Variants in TCERG1L observed in about 807,000 individuals in gnomAD.
TCERG1L encodes the protein transcription elongation regulator 1-like protein.
A neutral mutation model predicts 56.3 loss-of-function variants in TCERG1L; 37 were observed. That is an observed-to-expected ratio of 0.66 (90% CI 0.51 to 0.87). The LOEUF (loss-of-function observed/expected upper bound fraction) is 0.87. Among genes scored for constraint, TCERG1L ranks in the 40% least tolerant of loss-of-function variants. The pLI, the probability that TCERG1L is intolerant of heterozygous loss-of-function variation, is 0.00. For missense variants in TCERG1L, 799 were observed against 774.2 expected (o/e 1.03, Z -0.38); for synonymous variants, 324 against 326.3 (o/e 0.99, Z 0.08).
intron 4 of TCERG1L, among the ~76,000 whole-genome samples, chr10:131,185,775 G>A (rs1845234717): frequency 6.6e-6 from 1 of 152,026 alleles, no homozygotes; most frequent in South Asian, 2.1e-4. Flanking sequence ...ATGGCTGAAT[G>A]TAAAATGGTT....
chr10:131,130,644 T>G (rs10829909), intron 8 of TCERG1L, among the ~76,000 whole-genome samples: 22,529 of 152,204 alleles, frequency 0.15, 1,810 homozygotes, highest in South Asian at 0.3. Context: ...TTTCTCATAA[T>G]ACAGAACAAA....
intron 9 of TCERG1L, among the ~76,000 whole-genome samples, chr10:131,105,835 T>A (rs546692195): frequency 6.6e-6 from 1 of 152,360 alleles, no homozygotes; most frequent in East Asian, 1.9e-4. Context: ...TGACTTTGCT[T>A]CTTTTCCTGC....
chr10:131,186,764 C>G (rs1428898125), intron 4 of TCERG1L, among the ~76,000 whole-genome samples: 1 of 152,166 alleles, frequency 6.6e-6, no homozygotes, highest in East Asian at 1.9e-4. Flanking sequence ...GTGCACCGGG[C>G]ACTCCACACC....
chr10:131,277,302 TC>T (rs1286365991), intron 3 of TCERG1L, among the ~76,000 whole-genome samples: 4 of 152,112 alleles, frequency 2.6e-5, no homozygotes, highest in Non-Finnish European at 5.9e-5. Context: ...AGATGTGAGT[TC>T]ATTATGTGAA....
At chr10:131,293,899 T>G (rs556116909) in intron 3 of TCERG1L, among the ~76,000 whole-genome samples, 1 of 152,340 alleles carries the variant, frequency 6.6e-6, no homozygotes, top group Non-Finnish European at 1.5e-5. Flanking sequence ...TTTTGTAGCC[T>G]TTTAACTTCA....
At chr10:131,109,947 C>T (rs4418720) in intron 9 of TCERG1L, among the ~76,000 whole-genome samples, 44,382 of 152,182 alleles carry the variant, frequency 0.29, 6,842 homozygotes, top group South Asian at 0.43. Flanking sequence ...GATGCCTCAT[C>T]AAAATGGACA....
rs975685043 is a variant in TCERG1L, at chr10:131,103,607, C to T, written c.1485+658G>A. Among the ~76,000 whole-genome samples the T allele has an allele frequency of 6.6e-5, 10 of 152,156 alleles. No homozygotes were observed. Among genetic ancestry groups the T allele is most frequent in the Non-Finnish European group, 1.5e-4 (10 of 68,030 alleles). ...TCAGGAGGCTGAGGTGGGAGGATGGCTTGATCCCAGAAGGTGGAGGTTGCA... is the reference window on the plus strand; with the variant it reads ...TCAGGAGGCTGAGGTGGGAGGATGGTTTGATCCCAGAAGGTGGAGGTTGCA... On this transcript the variant is annotated intron_variant, in intron 10 of 11. Transcript: ENST00000368642. This position sits in a 1 kb window ranked among gnomAD's most constrained non-coding sequence, Gnocchi z 4.3.
chr10:131,300,335 AT>A (rs1337226484), intron 3 of TCERG1L, among the ~76,000 whole-genome samples: 1 of 152,084 alleles, frequency 6.6e-6, no homozygotes, highest in Non-Finnish European at 1.5e-5. Flanking sequence ...TCTTCTACGT[AT>A]TCTCTCCTTG....
intron 5 of TCERG1L, among the ~76,000 whole-genome samples, chr10:131,165,446 T>C (rs758245304): frequency 1.3e-5 from 2 of 152,222 alleles, no homozygotes; most frequent in Non-Finnish European, 2.9e-5. Flanking sequence ...AGTTTGTAAG[T>C]TTACGAATAA....
At chr10:131,239,722 T>C (rs576990999) in intron 4 of TCERG1L, among the ~76,000 whole-genome samples, 3 of 152,350 alleles carry the variant, frequency 2.0e-5, no homozygotes, top group South Asian at 2.1e-4. Context: ...TCCGGTGGTA[T>C]GGAAATCTCG....
In TCERG1L at chr10:131,250,821, C is replaced by T. The variant is rs1367895925; in HGVS notation, c.856+9438G>A. On this transcript the variant is annotated intron_variant, in intron 4 of 11. Transcript: ENST00000368642. ...AACACTGACTAAACTTTCAGCTGCC[C>T]GCAGAGCATTTGACACATGGGGTCT... 5.3e-5 allele frequency among the ~76,000 whole-genome samples: 8 copies of T among 152,156 alleles called. No homozygotes were observed. The South Asian group carries it at 8.3e-4, about 16-fold the overall frequency.
In TCERG1L at chr10:131,218,913, C is replaced by T. The variant is rs115716348; in HGVS notation, c.856+41346G>A. Reference sequence around the variant, plus strand: ...TCTCCTCCTCCCTGGCAGCGACCTCCAACACACAGCAAATCTGGTCACAGC... The same window carrying T: ...TCTCCTCCTCCCTGGCAGCGACCTCTAACACACAGCAAATCTGGTCACAGC... On this transcript the variant is annotated intron_variant, in intron 4 of 11. Transcript: ENST00000368642. Among the ~76,000 whole-genome samples the T allele has an allele frequency of 3.4e-3, 516 of 152,226 alleles. 3 individuals are homozygous for T. The highest frequency in any genetic ancestry group is 0.014 in the Middle Eastern group (4 of 294).
intron 7 of TCERG1L, among the ~76,000 whole-genome samples, chr10:131,140,111 G>C (rs989129903): frequency 6.6e-6 from 1 of 152,178 alleles, no homozygotes; most frequent in Non-Finnish European, 1.5e-5. Flanking sequence ...CATTCAGATG[G>C]GATCCTAGGC....
At position 131,118,627 on chromosome 10, in the gene TCERG1L, C is replaced by T. The variant is rs1390683437; in HGVS notation, c.1260-1693G>A. ...CAAGAATCTGCTGAGGTTGGTTCAG[C>T]CAAAACCCCCCGATCCCTGAGGTCT... On this transcript the variant is annotated intron_variant, in intron 8 of 11. Coordinates refer to ENST00000368642, the MANE Select transcript of TCERG1L (RefSeq NM_174937.4). This position sits in a 1 kb window ranked among gnomAD's most constrained non-coding sequence, Gnocchi z 4.2. Among the ~76,000 whole-genome samples, 1 of 152,112 alleles carries T rather than the reference C, an allele frequency of 6.6e-6. No individual in the cohort carries two copies. Among genetic ancestry groups the T allele is most frequent in the Non-Finnish European group, 1.5e-5 (1 of 68,028 alleles).
intron 8 of TCERG1L, 40 bp from the exon 9 acceptor site, chr10:131,116,974 G>A (rs1377022046): frequency 5.7e-6 from 9 of 1,577,180 alleles, no homozygotes; most frequent in Non-Finnish European, 7.7e-6. Flanking sequence ...ACACTCGTGG[G>A]GACCCAGCTG....
In TCERG1L at chr10:131,188,419, G is replaced by A. The variant is rs181041440; in HGVS notation, c.857-21534C>T. On this transcript the variant is annotated intron_variant, in intron 4 of 11. Transcript: ENST00000368642. ...CAATTACTCCATCCACACTGGAACT[G>A]TATAGACCACAGTCTGAGAGCAATG... Among the ~76,000 whole-genome samples the A allele has an allele frequency of 6.6e-5, 10 of 152,296 alleles. No individual in the cohort carries two copies. The East Asian group carries it at 1.7e-3, about 26-fold the overall frequency.
Position 131,155,154 on chromosome 10 carries a change from G to A in TCERG1L, c.1034+7968C>T, listed in dbSNP as rs527694189. ...AAGCTGGGTGGGGACGTCCCTGCAC[G>A]GCACCAACAACGGAGGCTTCTTGGC... On this transcript the variant is annotated intron_variant, in intron 6 of 11. Transcript: ENST00000368642. Among the ~76,000 whole-genome samples the A allele has an allele frequency of 1.2e-3, 183 of 152,286 alleles. 3 individuals carry two copies. Among genetic ancestry groups the A allele is most frequent in the African/African-American group, 3.2e-3 (134 of 41,566 alleles).
chr10:131,207,835 T>C (rs1845559188), intron 4 of TCERG1L, among the ~76,000 whole-genome samples: 1 of 151,556 alleles, frequency 6.6e-6, no homozygotes, highest in African/African-American at 2.4e-5. Flanking sequence ...ACCGAGTGGG[T>C]CTTAGGAGGA....
At chr10:131,104,927 T>C (rs1185854808) in intron 9 of TCERG1L, among the ~76,000 whole-genome samples, 1 of 152,268 alleles carries the variant, frequency 6.6e-6, no homozygotes, top group Non-Finnish European at 1.5e-5. Context: ...TCGTCACCAC[T>C]AACCATGACG....
Sources: gnomAD v4.1 joint callset for allele counts (sites outside exome capture counted in the v4.1 genomes callset) on GRCh38, gnomAD v4.1.1 for gene constraint, Gnocchi (gnomAD v3.1) non-coding constraint, MANE v1.5 for transcripts, NCBI Gene and HGNC (gene_info 2026-07-23, HGNC 2026-07-21) for gene names.